The following ZNRF1 variants were observed in gnomAD, a reference collection of about 807,000 sequenced individuals.
ZNRF1 encodes the protein E3 ubiquitin-protein ligase ZNRF1.
Under a neutral mutation model 18.4 loss-of-function variants are expected in ZNRF1, and 3 were observed. The observed-to-expected ratio is 0.16, with a 90% confidence interval of 0.07 to 0.42. The LOEUF is 0.42. ZNRF1 is among the 10% of genes least tolerant of loss of function. The pLI is 0.99. For missense variants in ZNRF1, 310 were observed against 329.8 expected (o/e 0.94, Z 0.47); for synonymous variants, 157 against 144.2 (o/e 1.09, Z -0.64).
intron 1 of ZNRF1, among the ~76,000 whole-genome samples, chr16:75,022,345 C>T (rs989015174): frequency 4.6e-5 from 7 of 151,680 alleles, no homozygotes; most frequent in Non-Finnish European, 8.8e-5. Flanking sequence ...GGGTGGATCA[C>T]GAGGTCAGGA....
chr16:75,052,179 G>A (rs1453582070), intron 1 of ZNRF1, among the ~76,000 whole-genome samples: 1 of 152,042 alleles, frequency 6.6e-6, no homozygotes, highest in Non-Finnish European at 1.5e-5. Flanking sequence ...CTGGAGGATT[G>A]CTTGAACCCA....
At chr16:75,104,372 C>T (rs1348634783) in intron 2 of ZNRF1, 1 of 157,824 alleles carries the variant, frequency 6.3e-6, no homozygotes, top group African/African-American at 2.4e-5. Flanking sequence ...CTCATTCTTG[C>T]CTCCTACCAC....
chr16:75,007,449 C>A (rs1357484371), intron 1 of ZNRF1, among the ~76,000 whole-genome samples: 2 of 152,182 alleles, frequency 1.3e-5, no homozygotes, highest in African/African-American at 4.8e-5. Context: ...CTTGAACACA[C>A]AGCTTTCCTC....
intron 1 of ZNRF1, among the ~76,000 whole-genome samples, chr16:75,066,743 A>G (rs1228508056): frequency 1.3e-5 from 2 of 152,086 alleles, no homozygotes; most frequent in Admixed American, 1.3e-4. Flanking sequence ...ACCTCAGGTG[A>G]TCCGCCCACC....
At chr16:75,028,434 C>T (rs912963490) in intron 1 of ZNRF1, among the ~76,000 whole-genome samples, 2 of 152,188 alleles carry the variant, frequency 1.3e-5, no homozygotes, top group African/African-American at 2.4e-5. Context: ...GCTGGGATTA[C>T]AACCATGTGC....
intron 1 of ZNRF1, among the ~76,000 whole-genome samples, chr16:75,072,132 A>G (rs1365176997): frequency 1.3e-5 from 2 of 151,070 alleles, no homozygotes; most frequent in Non-Finnish European, 3.0e-5. Context: ...TATCAGATAC[A>G]TGGTATGCAG....
chr16:75,070,287 C>G (rs746931598), intron 1 of ZNRF1, among the ~76,000 whole-genome samples: 1 of 152,184 alleles, frequency 6.6e-6, no homozygotes. Context: ...TTCACACCAC[C>G]GATAGCCTGA....
At chr16:75,074,461 TG>T (rs1567487376) in intron 1 of ZNRF1, among the ~76,000 whole-genome samples, 1 of 152,194 alleles carries the variant, frequency 6.6e-6, no homozygotes, top group Non-Finnish European at 1.5e-5. Flanking sequence ...TGAATATTTA[TG>T]GGTGGATTTA....
intron 1 of ZNRF1, among the ~76,000 whole-genome samples, chr16:75,040,202 G>C (rs557293766): frequency 1.3e-5 from 2 of 151,546 alleles, no homozygotes; most frequent in Non-Finnish European, 2.9e-5. Context: ...GCACCACCAC[G>C]CATGGCTTAA....
intron 1 of ZNRF1, among the ~76,000 whole-genome samples, chr16:75,057,973 T>G (rs7202613): frequency 0.02 from 3,031 of 152,258 alleles, 131 homozygotes; most frequent in African/African-American, 0.07. Flanking sequence ...GTGGGCTGTG[T>G]GTGGAGAAAA....
At chr16:75,026,848 A>G (rs1322509244) in intron 1 of ZNRF1, among the ~76,000 whole-genome samples, 1 of 152,028 alleles carries the variant, frequency 6.6e-6, no homozygotes, top group Non-Finnish European at 1.5e-5. Flanking sequence ...AGGCACAAGA[A>G]TCACTTGAAC....
At chr16:75,023,044 G>A (rs188961367) in intron 1 of ZNRF1, among the ~76,000 whole-genome samples, 156 of 152,278 alleles carry the variant, frequency 1.0e-3, no homozygotes, top group African/African-American at 3.7e-3. Flanking sequence ...CCCCAATGTT[G>A]AATACGCTTT....
intron 1 of ZNRF1, among the ~76,000 whole-genome samples, chr16:75,013,153 A>G (rs1465561547): frequency 3.3e-5 from 5 of 152,250 alleles, no homozygotes; most frequent in African/African-American, 4.8e-5. Flanking sequence ...TAGAGGTTCA[A>G]CACTTTCATA....
rs796474967 is a variant in ZNRF1, at chr16:75,000,612, A to T, written c.424+517A>T. Among the ~76,000 whole-genome samples the T allele has an allele frequency of 3.1e-4, 47 of 152,168 alleles. 2 individuals are homozygous for T. Among genetic ancestry groups the T allele is most frequent in the African/African-American group, 1.0e-3 (43 of 41,500 alleles). ...GCCCAGTTTTGCCACCCTGCTGGAG[A>T]TCTGTTTGAAATGTTTAAAATGGAG... is the stretch of plus-strand genomic sequence containing the variant. On this transcript the variant is annotated intron_variant, in intron 1 of 4. Transcript: ENST00000335325.
Position 75,000,038 on chromosome 16 carries a change from T to A in ZNRF1, c.367T>A (p.Ser123Thr). Residue 123 changes from serine (S) to threonine (T), a missense_variant, in exon 1 of 5, where the codon TCG (serine) becomes ACG (threonine). Transcript: ENST00000335325. ...GATGCTGTACCTGGGCTCCCGAGCC[T>A]CGCTGGCGGATGCTCTACCTCTGCA... ...DGMLYLGSRA[S>T]LADALPLHIA... 6.3e-7 allele frequency: 1 copy of A among 1,598,454 alleles called. No homozygotes were observed. The highest frequency in any genetic ancestry group is 1.1e-5 in the South Asian group (1 of 87,960).
At chr16:75,019,120 G>T (rs1007719414) in intron 1 of ZNRF1, among the ~76,000 whole-genome samples, 1 of 152,028 alleles carries the variant, frequency 6.6e-6, no homozygotes, top group Non-Finnish European at 1.5e-5. Context: ...GAGCTGAGAT[G>T]GTGTCACTGC....
chr16:75,080,016 A>G (rs2035990404), intron 1 of ZNRF1, among the ~76,000 whole-genome samples: 2 of 152,194 alleles, frequency 1.3e-5, no homozygotes, highest in African/African-American at 4.8e-5. Flanking sequence ...CCCGGGTTCA[A>G]GCGATTCTCC....
At chr16:75,039,950 A>G (rs1315146917) in intron 1 of ZNRF1, among the ~76,000 whole-genome samples, 1 of 152,128 alleles carries the variant, frequency 6.6e-6, no homozygotes, top group African/African-American at 2.4e-5. Flanking sequence ...TTGACATACC[A>G]TAATATTCAT....
intron 1 of ZNRF1, among the ~76,000 whole-genome samples, chr16:75,019,753 C>T (rs1243879864): frequency 6.6e-6 from 1 of 152,090 alleles, no homozygotes; most frequent in East Asian, 1.9e-4. Flanking sequence ...GAGACAGGGT[C>T]TTGCTTTGTT....
Sources: gnomAD v4.1 joint callset for allele counts (sites outside exome capture counted in the v4.1 genomes callset) on GRCh38, gnomAD v4.1.1 for gene constraint, MANE v1.5 for transcripts, NCBI Gene and HGNC (gene_info 2026-07-23, HGNC 2026-07-21) for gene names.